The following MAD1L1 variants were observed in gnomAD, a reference collection of about 807,000 sequenced individuals.
MAD1L1 encodes mitotic spindle assembly checkpoint protein MAD1.
MAD1L1 carries 95 observed loss-of-function variants against 96.9 expected under a neutral mutation model. The ratio of observed to expected loss-of-function variants is 0.98; its 90% confidence interval spans 0.83 to 1.16. The LOEUF is 1.16. Ranked by LOEUF, MAD1L1 falls within the 50% of genes most tolerant of loss-of-function variation. The pLI, the probability that MAD1L1 is intolerant of heterozygous loss-of-function variation, is 0.00. For missense variants in MAD1L1, 1,007 were observed against 954.4 expected (o/e 1.06, Z -0.73); for synonymous variants, 473 against 396.6 (o/e 1.19, Z -2.29).
intron 10 of MAD1L1, chr7:2,201,847 G>T (rs182321493): frequency 6.6e-6 from 1 of 152,320 alleles, no homozygotes; most frequent in Admixed American, 6.5e-5. Flanking sequence ...CTGCCCGACC[G>T]TACCTGGAAT....
At chr7:2,024,407 G>T (rs1297462324) in intron 12 of MAD1L1, among the ~76,000 whole-genome samples, 1 of 152,202 alleles carries the variant, frequency 6.6e-6, no homozygotes, top group Admixed American at 6.5e-5. Flanking sequence ...CACCATGTGA[G>T]CCAGGCAGCT....
intron 18 of MAD1L1, among the ~76,000 whole-genome samples, chr7:1,822,105 A>G (rs1294912713): frequency 6.6e-6 from 1 of 152,138 alleles, no homozygotes; most frequent in Non-Finnish European, 1.5e-5. Context: ...CTGGAACACT[A>G]AGTGAGTCCA....
intron 11 of MAD1L1, among the ~76,000 whole-genome samples, chr7:2,087,097 C>T (rs1169755182): frequency 2.6e-5 from 4 of 152,166 alleles, no homozygotes; most frequent in Non-Finnish European, 5.9e-5. Context: ...TGGCTGCTGG[C>T]GGCAGGGGAA....
At chr7:2,120,015 C>G (rs1016873865) in intron 11 of MAD1L1, among the ~76,000 whole-genome samples, 2 of 152,236 alleles carry the variant, frequency 1.3e-5, no homozygotes, top group Non-Finnish European at 2.9e-5. Context: ...AGTTCATGCT[C>G]TCCATCCTCA....
At chr7:2,227,355 A>G (rs1041251450) in intron 3 of MAD1L1, among the ~76,000 whole-genome samples, 1 of 152,152 alleles carries the variant, frequency 6.6e-6, no homozygotes, top group African/African-American at 2.4e-5. Context: ...ATGCACATGA[A>G]AGGTTGAGAA....
chr7:1,936,877 C>T lies in MAD1L1; in HGVS notation c.1617G>A (p.Arg539=), dbSNP rs1329036851. ...TCAGGCTCATGTGCAGCACTTTGGT[C>T]CTGCTCTGGTCATAGTCACCCTGCA... The part of the protein sequence containing the change: ...RALQGDYDQS[R]TKVLHMSLNP... Residue 539 remains arginine, a synonymous_variant, in exon 17 of 19, where the codon AGG becomes AGA. Transcript: ENST00000265854. 3 of 1,601,938 alleles carry T rather than the reference C, an allele frequency of 1.9e-6. No individual in the cohort carries two copies. Among genetic ancestry groups the T allele is most frequent in the Non-Finnish European group, 2.6e-6 (3 of 1,173,854 alleles).
Position 2,230,067 on chromosome 7 carries a change from G to A in MAD1L1, c.67C>T (p.Gln23Ter). The A allele has an allele frequency of 1.2e-6, 2 of 1,613,050 alleles. No homozygotes were observed. Among genetic ancestry groups the A allele is most frequent in the Non-Finnish European group, 1.7e-6 (2 of 1,179,570 alleles). ...AGTCCAGAGCCTCCCTCCACACGCTGAGAGATGAAGTTGTTCAAAGATCTC... is the reference window on the plus strand; with the variant it reads ...AGTCCAGAGCCTCCCTCCACACGCTAAGAGATGAAGTTGTTCAAAGATCTC... ...TLRSLNNFIS[Q>*]RVEGGSGLDI... Residue 23 changes from glutamine (Q) to a stop codon, truncating the protein, a stop_gained, in exon 3 of 19, where the codon CAG (glutamine) becomes TAG (stop). Transcript: ENST00000265854. LOFTEE classifies it high-confidence loss of function.
chr7:2,193,583 A>G (rs1791832662), intron 10 of MAD1L1: 1 of 152,282 alleles, frequency 6.6e-6, no homozygotes, highest in East Asian at 1.9e-4. Flanking sequence ...GCTACCAGAA[A>G]AAAAGGCGAG....
intron 10 of MAD1L1, among the ~76,000 whole-genome samples, chr7:2,179,226 G>A (rs1791077446): frequency 1.3e-5 from 2 of 152,014 alleles, no homozygotes; most frequent in South Asian, 2.1e-4. Context: ...CAACTCCATG[G>A]TGGCCTTGAA....
At chr7:2,098,289 G>A (rs1302040982) in intron 11 of MAD1L1, among the ~76,000 whole-genome samples, 2 of 152,190 alleles carry the variant, frequency 1.3e-5, no homozygotes, top group Non-Finnish European at 2.9e-5. Context: ...CTGCGCAGAA[G>A]GCGCATGGCA....
chr7:2,231,307 A>G (rs1297650097), intron 1 of MAD1L1, among the ~76,000 whole-genome samples: 1 of 151,858 alleles, frequency 6.6e-6, no homozygotes, highest in Non-Finnish European at 1.5e-5. Flanking sequence ...CAAAATAAAT[A>G]AATGAATGAA....
At position 2,124,944 on chromosome 7, in the gene MAD1L1, GGAGA is replaced by G. The variant is rs1333973155; in HGVS notation, c.1073+24204_1073+24207del. ...CAGGCGGCCTTCCAGCCCCAGGGCA[GGAGA>G]CACCAGTGAGCACGGAGGACACACA... On this transcript the variant is annotated intron_variant, in intron 11 of 18. Coordinates refer to ENST00000265854, the MANE Select transcript of MAD1L1 (RefSeq NM_001013836.2). 2.6e-5 allele frequency among the ~76,000 whole-genome samples: 4 copies of G among 152,342 alleles called. No homozygotes were observed. The South Asian group carries it at 8.3e-4, about 32-fold the overall frequency.
chr7:2,080,422 CCCA>C (rs1714944084), intron 11 of MAD1L1, among the ~76,000 whole-genome samples: 1 of 152,192 alleles, frequency 6.6e-6, no homozygotes, highest in Admixed American at 6.5e-5. Context: ...CTGCATGTCC[CCCA>C]CAAGAGAGCA....
At chr7:2,026,375 T>C in intron 12 of MAD1L1, among the ~76,000 whole-genome samples, 1 of 152,136 alleles carries the variant, frequency 6.6e-6, no homozygotes, top group Admixed American at 6.5e-5. Context: ...TAATGGGAAA[T>C]TTCAACACAA....
At chr7:2,013,004 A>C (rs1043172486) in intron 13 of MAD1L1, among the ~76,000 whole-genome samples, 1 of 152,228 alleles carries the variant, frequency 6.6e-6, no homozygotes, top group African/African-American at 2.4e-5. Flanking sequence ...GAGACCCTCC[A>C]TTACAATCCT....
intron 15 of MAD1L1, among the ~76,000 whole-genome samples, chr7:1,976,837 T>C (rs1780666598): frequency 1.3e-5 from 2 of 152,116 alleles, no homozygotes; most frequent in Admixed American, 6.5e-5. Flanking sequence ...AACCTTGAGC[T>C]AGACACAGGG....
intron 15 of MAD1L1, among the ~76,000 whole-genome samples, chr7:1,971,479 G>A (rs140668356): frequency 3.4e-3 from 524 of 152,156 alleles, no homozygotes; most frequent in Non-Finnish European, 3.9e-3. Flanking sequence ...TAAAAACATG[G>A]GGAAGTGTTT....
chr7:2,213,539 T>A (rs975349100), intron 9 of MAD1L1, among the ~76,000 whole-genome samples: 2 of 152,152 alleles, frequency 1.3e-5, no homozygotes, highest in African/African-American at 4.8e-5. Flanking sequence ...AAAAGCAACG[T>A]GTGGCTGTGG....
intron 11 of MAD1L1, among the ~76,000 whole-genome samples, chr7:2,127,651 G>A (rs1243275333): frequency 6.6e-6 from 1 of 152,158 alleles, no homozygotes; most frequent in Non-Finnish European, 1.5e-5. Context: ...CCCACCTGCA[G>A]AGAGGAGCGG....
Sources: gnomAD v4.1 joint callset for allele counts (sites outside exome capture counted in the v4.1 genomes callset) on GRCh38, gnomAD v4.1.1 for gene constraint, MANE v1.5 for transcripts, NCBI Gene and HGNC (gene_info 2026-07-23, HGNC 2026-07-21) for gene names.